The following IPO11 variants were observed in gnomAD, a reference collection of about 807,000 sequenced individuals.
The protein encoded by IPO11 is importin 11, also known as importin-11.
Under a neutral mutation model 143.2 loss-of-function variants are expected in IPO11, and 66 were observed. That is an observed-to-expected ratio of 0.46 (90% CI 0.38 to 0.57). IPO11 has a LOEUF of 0.57. IPO11 is among the 20% of genes least tolerant of loss of function. The pLI is 0.00. For missense variants in IPO11, 1,026 were observed against 1,141.0 expected, an observed-to-expected ratio of 0.90 and a Z score of 1.45; for synonymous variants, 385 against 377.8, an observed-to-expected ratio of 1.02 and a Z score of -0.22.
chr5:62,479,201 C>T (rs1437839557), intron 9 of IPO11, among the ~76,000 whole-genome samples: 5 of 152,112 alleles, frequency 3.3e-5, no homozygotes, highest in Non-Finnish European at 7.4e-5. Context: ...GTTTTCCGTC[C>T]TTGCGATAGT....
At chr5:62,449,260 C>G (rs1744823490) in intron 3 of IPO11, among the ~76,000 whole-genome samples, 1 of 152,212 alleles carries the variant, frequency 6.6e-6, no homozygotes, top group South Asian at 2.1e-4. Flanking sequence ...CAGTCTTATA[C>G]AGTAGTGTTC....
rs1019481820 is a variant in IPO11 at position 62,627,713 on chromosome 5, T to A, written c.*395T>A. On this transcript the variant is annotated 3_prime_UTR_variant, in exon 30 of 30. Transcript: ENST00000325324. ...TTCATTAAATTTGGCTGCCTTATCC[T>A]TTTTTTAAGCTAATGAAACTACAGG... 6.4e-6 allele frequency: 1 copy of A among 155,172 alleles called. No homozygotes were observed. The highest frequency in any genetic ancestry group is 1.4e-5 in the Non-Finnish European group (1 of 69,796). The allele number at this position is 155,172 out of a possible 1,614,324, so 9.6% of individuals were successfully genotyped here. A position where few individuals can be genotyped will look rare whatever the true frequency, so the allele number is the denominator to read the frequency against.
intron 9 of IPO11, among the ~76,000 whole-genome samples, chr5:62,480,080 A>G (rs1561327806): frequency 6.6e-6 from 1 of 152,136 alleles, no homozygotes; most frequent in African/African-American, 2.4e-5. Context: ...TAGGTCTAAC[A>G]TTTAAGTCTT....
chr5:62,582,205 A>G (rs1744594239), intron 27 of IPO11, among the ~76,000 whole-genome samples: 2 of 152,186 alleles, frequency 1.3e-5, no homozygotes, highest in South Asian at 4.1e-4. Context: ...ATAAAACCGG[A>G]GCCAGAATTA....
intron 29 of IPO11, among the ~76,000 whole-genome samples, chr5:62,606,349 G>C (rs989371506): frequency 6.6e-6 from 1 of 151,370 alleles, no homozygotes; most frequent in African/African-American, 2.4e-5. Flanking sequence ...GCATGATGGC[G>C]TGCATCTGTA....
intron 21 of IPO11, among the ~76,000 whole-genome samples, chr5:62,528,969 A>G (rs1742455162): frequency 6.6e-6 from 1 of 152,128 alleles, no homozygotes; most frequent in Admixed American, 6.6e-5. Context: ...TTTGTCAGTT[A>G]CTAGGCTTTT....
At chr5:62,471,325 T>TA (rs35680610) in intron 7 of IPO11, among the ~76,000 whole-genome samples, 8 of 151,260 alleles carry the variant, frequency 5.3e-5, no homozygotes, top group Admixed American at 4.6e-4. Context: ...CCAGAGCCAT[T>TA]AAAAAAAATA....
chr5:62,623,645 CTTTTTTT>C (rs34547621), intron 29 of IPO11, among the ~76,000 whole-genome samples: 4 of 134,252 alleles, frequency 3.0e-5, no homozygotes, highest in South Asian at 2.4e-4. Flanking sequence ...TCTTCTTTTT[CTTTTTTT>C]TTTTTTTTTT....
chr5:62,435,242 T>C (rs1180637128), intron 1 of IPO11, among the ~76,000 whole-genome samples: 2 of 143,632 alleles, frequency 1.4e-5, no homozygotes, highest in African/African-American at 5.2e-5. Flanking sequence ...GCAGCTGTAG[T>C]AAAATATATA....
intron 13 of IPO11, among the ~76,000 whole-genome samples, chr5:62,488,264 G>A (rs1746481667): frequency 6.6e-6 from 1 of 152,156 alleles, no homozygotes; most frequent in Non-Finnish European, 1.5e-5. Flanking sequence ...TTGACACTTG[G>A]TCATTACACT....
intron 27 of IPO11, among the ~76,000 whole-genome samples, chr5:62,589,181 C>T (rs1179616510): frequency 6.6e-6 from 1 of 152,056 alleles, no homozygotes; most frequent in Non-Finnish European, 1.5e-5. Flanking sequence ...GGTCCATTTC[C>T]CTCAGCCAAA....
At chr5:62,435,144 G>GTATATATGTATATATATGTA (rs1554047220) in intron 1 of IPO11, among the ~76,000 whole-genome samples, 3 of 64,992 alleles carry the variant, frequency 4.6e-5, no homozygotes, top group African/African-American at 1.7e-4. Flanking sequence ...ATGTATATAT[G>GTATATATGTATATATATGTA]TATATATGTA....
At chr5:62,558,292 G>T (rs1378022213) in intron 26 of IPO11, among the ~76,000 whole-genome samples, 1 of 152,190 alleles carries the variant, frequency 6.6e-6, no homozygotes, top group Non-Finnish European at 1.5e-5. Flanking sequence ...ATTTTTATCA[G>T]TAATAAACTA....
At chr5:62,508,073 A>C (rs567378900) in intron 19 of IPO11, among the ~76,000 whole-genome samples, 2 of 152,214 alleles carry the variant, frequency 1.3e-5, no homozygotes, top group Admixed American at 6.5e-5. Flanking sequence ...AACTCTCTTT[A>C]ATATGCCAAA....
chr5:62,535,766 C>A (rs1204167752), intron 22 of IPO11, among the ~76,000 whole-genome samples: 1 of 152,004 alleles, frequency 6.6e-6, no homozygotes, highest in Non-Finnish European at 1.5e-5. Context: ...TAGATAAGAA[C>A]ACAGGGGCTA....
intron 2 of IPO11, among the ~76,000 whole-genome samples, chr5:62,439,308 G>C (rs1378293643): frequency 1.6e-4 from 2 of 12,568 alleles, no homozygotes; most frequent in African/African-American, 9.2e-4. Flanking sequence ...TTTTTTTTTT[G>C]AGACGTCTCG....
At chr5:62,556,250 A>G (rs745845102) in intron 26 of IPO11, among the ~76,000 whole-genome samples, 14 of 152,176 alleles carry the variant, frequency 9.2e-5, no homozygotes, top group Non-Finnish European at 1.8e-4. Context: ...GCTTGAACCC[A>G]GGAGGCAGAT....
intron 22 of IPO11, among the ~76,000 whole-genome samples, chr5:62,533,370 C>A (rs1169729369): frequency 6.6e-6 from 1 of 151,882 alleles, no homozygotes; most frequent in Admixed American, 6.6e-5. Context: ...CACCACTGCC[C>A]CAGCTAATTT....
intron 16 of IPO11, 104 bp downstream of exon 16, chr5:62,494,228 C>T: frequency 9.6e-6 from 9 of 941,556 alleles, no homozygotes; most frequent in Non-Finnish European, 1.4e-5. Flanking sequence ...TGTTTATGGC[C>T]TTTCACTGCA....
Sources: gnomAD v4.1 joint callset for allele counts (sites outside exome capture counted in the v4.1 genomes callset) on GRCh38, gnomAD v4.1.1 for gene constraint, MANE v1.5 for transcripts, NCBI Gene and HGNC (gene_info 2026-07-23, HGNC 2026-07-21) for gene names.